Variants in TYW1B observed in about 807,000 individuals in gnomAD.
TYW1B encodes S-adenosyl-L-methionine-dependent tRNA 4-demethylwyosine synthase TYW1B.
TYW1B carries 73 observed loss-of-function variants against 86.9 expected under a neutral mutation model. That is an observed-to-expected ratio of 0.84 (90% CI 0.70 to 1.02). TYW1B has a LOEUF of 1.02. Among genes scored for constraint, TYW1B ranks in the 50% least tolerant of loss-of-function variants. TYW1B has a pLI of 0.00. For synonymous variants in TYW1B, 248 were observed against 292.8 expected, an observed-to-expected ratio of 0.85 and a Z score of 1.56; for missense variants, 637 against 827.4, an observed-to-expected ratio of 0.77 and a Z score of 2.82.
intron 11 of TYW1B, among the ~76,000 whole-genome samples, chr7:72,692,076 C>G (rs764544572): frequency 1.3e-5 from 2 of 151,244 alleles, no homozygotes; most frequent in African/African-American, 4.9e-5. Flanking sequence ...CATGGTGGTA[C>G]GCACCTGTAA....
intron 7 of TYW1B, among the ~76,000 whole-genome samples, chr7:72,764,117 G>T (rs1554467884): frequency 6.6e-6 from 1 of 152,036 alleles, no homozygotes; most frequent in Non-Finnish European, 1.5e-5. Flanking sequence ...TTAAAATACT[G>T]CATGTAAGAA....
At chr7:72,713,476 A>G (rs1202349506) in intron 10 of TYW1B, 145 bp downstream of exon 10, 1 of 763,986 alleles carries the variant, frequency 1.3e-6, no homozygotes, top group African/African-American at 1.8e-5. Flanking sequence ...TTTGAAGAGC[A>G]GGACCATCTT....
intron 6 of TYW1B, among the ~76,000 whole-genome samples, chr7:72,798,135 G>T (rs1554474799): frequency 6.6e-6 from 1 of 152,158 alleles, no homozygotes; most frequent in South Asian, 2.1e-4. Context: ...CGGGCGCGGT[G>T]GCTCATGCCT....
chr7:72,775,487 A>G (rs1310393494), intron 7 of TYW1B, among the ~76,000 whole-genome samples: 11 of 152,210 alleles, frequency 7.2e-5, no homozygotes, highest in Non-Finnish European at 1.3e-4. Context: ...TCTAATCAGA[A>G]GCAATGTGAG....
At chr7:72,641,665 A>G (rs1219278174) in intron 11 of TYW1B, among the ~76,000 whole-genome samples, 1 of 152,182 alleles carries the variant, frequency 6.6e-6, no homozygotes, top group Non-Finnish European at 1.5e-5. Context: ...AGGTATGGGG[A>G]GTAACTGCTT....
At chr7:72,817,752 G>T (rs1408455592) in intron 2 of TYW1B, among the ~76,000 whole-genome samples, 9 of 152,176 alleles carry the variant, frequency 5.9e-5, no homozygotes. Flanking sequence ...AAGAGCTCCA[G>T]TTGTAATGTT....
intron 6 of TYW1B, among the ~76,000 whole-genome samples, chr7:72,790,004 A>G (rs1375867352): frequency 6.6e-5 from 9 of 136,876 alleles, no homozygotes; most frequent in African/African-American, 2.5e-4. Flanking sequence ...CTGGAGTGCA[A>G]TGGTGCAATC....
At chr7:72,809,262 C>A (rs1196241587) in intron 4 of TYW1B, among the ~76,000 whole-genome samples, 1 of 152,060 alleles carries the variant, frequency 6.6e-6, no homozygotes, top group East Asian at 1.9e-4. Flanking sequence ...CCACGATGAT[C>A]TCGATCTCCT....
chr7:72,821,337 C>G (rs1283976953), intron 2 of TYW1B, among the ~76,000 whole-genome samples: 4 of 152,086 alleles, frequency 2.6e-5, no homozygotes, highest in African/African-American at 9.7e-5. Flanking sequence ...ACAAAAACCA[C>G]TGCAACCTTA....
At chr7:72,619,295 C>T (rs1193867478) in intron 12 of TYW1B, among the ~76,000 whole-genome samples, 2 of 152,144 alleles carry the variant, frequency 1.3e-5, no homozygotes, top group Admixed American at 1.3e-4. Flanking sequence ...GCCCCTTTTG[C>T]TCAGTAACAG....
At chr7:72,658,530 C>T (rs554664160) in intron 11 of TYW1B, among the ~76,000 whole-genome samples, 646 of 152,136 alleles carry the variant, frequency 4.2e-3, no homozygotes, top group Non-Finnish European at 7.4e-3. Context: ...GAAACTTAAG[C>T]GGGAAGGAAA....
intron 9 of TYW1B, among the ~76,000 whole-genome samples, chr7:72,716,121 T>A (rs1554455913): frequency 1.3e-5 from 2 of 152,150 alleles, no homozygotes; most frequent in Non-Finnish European, 2.9e-5. Flanking sequence ...GTATTTTTAG[T>A]AGAGATGGGG....
chr7:72,782,274 G>C (rs1554471780), intron 6 of TYW1B, among the ~76,000 whole-genome samples: 3 of 151,924 alleles, frequency 2.0e-5, no homozygotes, highest in African/African-American at 7.3e-5. Context: ...GGGTTACAAA[G>C]CAAGACCCTG....
chr7:72,597,396 C>T (rs572073249), intron 13 of TYW1B, among the ~76,000 whole-genome samples: 27 of 151,980 alleles, frequency 1.8e-4, no homozygotes, highest in African/African-American at 4.1e-4. Context: ...TTATGAGCAA[C>T]GTAATCAACT....
At chr7:72,811,128 A>G (rs544092067) in intron 3 of TYW1B, among the ~76,000 whole-genome samples, 25 of 151,858 alleles carry the variant, frequency 1.6e-4, no homozygotes, top group Admixed American at 2.6e-4. Context: ...AAAATTAGAC[A>G]GGCGTGGTGG....
intron 11 of TYW1B, among the ~76,000 whole-genome samples, chr7:72,686,299 T>C (rs1814004672): frequency 6.6e-6 from 1 of 152,146 alleles, no homozygotes; most frequent in Non-Finnish European, 1.5e-5. Context: ...TGCCAAAACT[T>C]GGAAGAAACC....
In TYW1B at chr7:72,612,384, T is replaced by C. The variant is rs571086782; in HGVS notation, c.1785+4288A>G. On this transcript the variant is annotated intron_variant, in intron 13 of 13. Coordinates refer to ENST00000620995, the MANE Select transcript of TYW1B (RefSeq NM_001145440.3). ...TACAATAGAATGCTGAAGGCAAATGTGGAAGGAGTGGTACACTTACAAAAA... is the reference window on the plus strand; with the variant it reads ...TACAATAGAATGCTGAAGGCAAATGCGGAAGGAGTGGTACACTTACAAAAA... Among the ~76,000 whole-genome samples, 3 of 152,282 alleles carry C rather than the reference T, an allele frequency of 2.0e-5. No homozygotes were observed. In the South Asian group the frequency reaches 6.2e-4, roughly 32 times the overall value.
chr7:72,631,977 G>A (rs1156317858), intron 11 of TYW1B, among the ~76,000 whole-genome samples: 4 of 151,946 alleles, frequency 2.6e-5, no homozygotes, highest in African/African-American at 9.7e-5. Flanking sequence ...TCAAGAGAAA[G>A]CATATTCTAC....
intron 6 of TYW1B, among the ~76,000 whole-genome samples, chr7:72,781,662 C>T (rs373676948): frequency 1.3e-5 from 2 of 152,188 alleles, no homozygotes; most frequent in East Asian, 1.9e-4. Context: ...ACAATGCCAC[C>T]GTTCTTGTCC....
Sources: gnomAD v4.1 joint callset for allele counts (sites outside exome capture counted in the v4.1 genomes callset) on GRCh38, gnomAD v4.1.1 for gene constraint, MANE v1.5 for transcripts, NCBI Gene and HGNC (gene_info 2026-07-23, HGNC 2026-07-21) for gene names.